Variants in APP observed in about 807,000 individuals in gnomAD.
APP encodes amyloid beta precursor protein, also known as amyloid-beta precursor protein.
A neutral mutation model predicts 101.4 loss-of-function variants in APP; 31 were observed. The ratio of observed to expected loss-of-function variants is 0.31; its 90% CI spans 0.23 to 0.41. The LOEUF (loss-of-function observed/expected upper bound fraction) is 0.41. APP is among the 10% of genes least tolerant of loss of function. The probability of loss-of-function intolerance (pLI) is 1.00; values close to 1 mark genes in which losing one functional copy is unlikely to be tolerated. For synonymous variants in APP, 366 were observed against 364.4 expected (o/e 1.00, Z -0.05); for missense variants, 839 against 1,003.7 (o/e 0.84, Z 2.22).
intron 13 of APP, among the ~76,000 whole-genome samples, chr21:25,948,062 A>G (rs917095270): frequency 6.6e-6 from 1 of 151,556 alleles, no homozygotes. Context: ...GCTGTAAACC[A>G]TTAAATCTAT....
intron 13 of APP, among the ~76,000 whole-genome samples, chr21:25,950,164 C>T (rs944117369): frequency 4.6e-5 from 7 of 152,132 alleles, no homozygotes; most frequent in Non-Finnish European, 1.0e-4. Context: ...CGGTCCTGTA[C>T]CTCAACGGGG....
intron 9 of APP, among the ~76,000 whole-genome samples, chr21:25,977,848 G>C (rs982645074): frequency 6.6e-6 from 1 of 152,208 alleles, no homozygotes; most frequent in South Asian, 2.1e-4. Context: ...CTGTGGGCAA[G>C]GGGGAAATGG....
chr21:26,101,850 T>C (rs2062064196), intron 2 of APP, among the ~76,000 whole-genome samples: 1 of 152,162 alleles, frequency 6.6e-6, no homozygotes, highest in Admixed American at 6.5e-5. Flanking sequence ...ATTTTCTAAA[T>C]TTTCTTCACA....
chr21:25,986,882 T>G (rs1438450722), intron 8 of APP, among the ~76,000 whole-genome samples: 1 of 152,212 alleles, frequency 6.6e-6, no homozygotes, highest in Non-Finnish European at 1.5e-5. Context: ...AAGAAAAAAT[T>G]ACCCTATTTT....
intron 11 of APP, among the ~76,000 whole-genome samples, chr21:25,969,045 G>A (rs1314843682): frequency 2.6e-5 from 4 of 151,982 alleles, no homozygotes; most frequent in Non-Finnish European, 5.9e-5. Flanking sequence ...TCAAGAGGAA[G>A]GTATAAAAGT....
chr21:26,070,056 T>C (rs12483639), intron 3 of APP, among the ~76,000 whole-genome samples: 11,373 of 152,286 alleles, frequency 0.075, 865 homozygotes, highest in East Asian at 0.23. Context: ...GTCACTGTAC[T>C]AGCAACACCA....
At chr21:26,028,931 CA>C (rs1179937719) in intron 5 of APP, among the ~76,000 whole-genome samples, 2 of 152,082 alleles carry the variant, frequency 1.3e-5, no homozygotes, top group Non-Finnish European at 2.9e-5. Context: ...GGTAGCATTT[CA>C]AACAGGGTGG....
At chr21:26,162,967 C>A (rs985801880) in intron 1 of APP, among the ~76,000 whole-genome samples, 2 of 149,760 alleles carry the variant, frequency 1.3e-5, no homozygotes, top group African/African-American at 4.9e-5. Context: ...GTGGCTCACA[C>A]CTGTTATCCC....
At chr21:26,057,396 C>T (rs375206613) in intron 3 of APP, among the ~76,000 whole-genome samples, 4 of 152,076 alleles carry the variant, frequency 2.6e-5, no homozygotes, top group African/African-American at 9.7e-5. Flanking sequence ...ATACAGTATG[C>T]ATGTTTATTG....
chr21:25,967,154 C>CA (rs1396774049), intron 11 of APP, among the ~76,000 whole-genome samples: 1 of 152,002 alleles, frequency 6.6e-6, no homozygotes, highest in African/African-American at 2.4e-5. Flanking sequence ...CTGAACCATT[C>CA]AAAAATGAGA....
rs1424258727 is a variant in APP at position 25,880,642 on chromosome 21, TC to T, written c.*1027del. ...AAGAAGGGTTTGTCCAGGCATGCCT[TC>T]CTCATCCCCTTATATTGCCACTTCC... On this transcript the variant is annotated 3_prime_UTR_variant, in exon 18 of 18. Coordinates refer to ENST00000346798, the MANE Select transcript of APP (RefSeq NM_000484.4). The T allele has an allele frequency of 6.6e-6, 1 of 152,244 alleles. No homozygotes were observed. The highest frequency in any genetic ancestry group is 2.4e-5 in the African/African-American group (1 of 41,460). The allele number at this position is 152,244 out of a possible 1,614,324, so 9.4% of individuals were successfully genotyped here.
At chr21:26,142,710 A>G (rs192378952) in intron 1 of APP, among the ~76,000 whole-genome samples, 1 of 152,298 alleles carries the variant, frequency 6.6e-6, no homozygotes, top group East Asian at 1.9e-4. Flanking sequence ...CCGAGGCTGC[A>G]GTGAGCTAAG....
chr21:26,156,926 TTCTA>T (rs904377994), intron 1 of APP, among the ~76,000 whole-genome samples: 13 of 150,096 alleles, frequency 8.7e-5, no homozygotes, highest in African/African-American at 3.0e-4. Context: ...CAAACACTCT[TTCTA>T]ATTTTTCATA....
chr21:25,999,860 C>T lies in APP; in HGVS notation c.1033+155G>A, dbSNP rs45489692. 5.9e-5 allele frequency among the ~76,000 whole-genome samples: 9 copies of T among 152,242 alleles called. No homozygotes were observed. The East Asian group carries it at 9.6e-4, about 16-fold the overall frequency. On this transcript the variant is annotated intron_variant, in intron 7 of 17. Coordinates refer to ENST00000346798, the MANE Select transcript of APP (RefSeq NM_000484.4). ...GGTGTGCTCATGATTGAACATACTG[C>T]GGAGACTCTGAGCAATTAGAGAAGT...
At chr21:26,035,375 G>T (rs535136224) in intron 5 of APP, among the ~76,000 whole-genome samples, 1 of 152,110 alleles carries the variant, frequency 6.6e-6, no homozygotes, top group South Asian at 2.1e-4. Context: ...CTGTCAGCCC[G>T]GGGGTTAGCA....
intron 13 of APP, among the ~76,000 whole-genome samples, chr21:25,925,829 A>G (rs2039870888): frequency 6.6e-6 from 1 of 152,248 alleles, no homozygotes; most frequent in East Asian, 1.9e-4. Context: ...CCCATTATTC[A>G]GGAGGCTGAG....
chr21:26,076,659 G>T (rs1037823294), intron 3 of APP, among the ~76,000 whole-genome samples: 2 of 152,176 alleles, frequency 1.3e-5, no homozygotes, highest in African/African-American at 4.8e-5. Flanking sequence ...ATCTTGTGAA[G>T]TTGAGATATA....
Position 25,930,779 on chromosome 21 carries a change from G to A in APP, c.1688-18817C>T, listed in dbSNP as rs149622412. Among the ~76,000 whole-genome samples, 325 of 152,262 alleles carry A rather than the reference G, an allele frequency of 2.1e-3. 3 individuals are homozygous for A. The highest frequency in any genetic ancestry group is 7.4e-3 in the African/African-American group (307 of 41,556). On this transcript the variant is annotated intron_variant, in intron 13 of 17. Transcript: ENST00000346798. Reference sequence around the variant, plus strand: ...TCTTTAACACAAAACTTGCTTTCTGGTGAACAATTCTAGATATAGCAATGG... The same window carrying A: ...TCTTTAACACAAAACTTGCTTTCTGATGAACAATTCTAGATATAGCAATGG...
At chr21:26,129,900 A>G (rs771595575) in intron 1 of APP, among the ~76,000 whole-genome samples, 1 of 152,226 alleles carries the variant, frequency 6.6e-6, no homozygotes, top group African/African-American at 2.4e-5. Flanking sequence ...TCCTTCCTAT[A>G]GAGGGAAGGT....
Sources: gnomAD v4.1 joint callset for allele counts (sites outside exome capture counted in the v4.1 genomes callset) on GRCh38, gnomAD v4.1.1 for gene constraint, MANE v1.5 for transcripts, NCBI Gene and HGNC (gene_info 2026-07-23, HGNC 2026-07-21) for gene names.